COL8A1: variants seen among roughly 807,000 people sequenced by gnomAD.
The protein encoded by COL8A1 is collagen type VIII alpha 1 chain.
In COL8A1, 21 loss-of-function variants were observed where a neutral mutation model predicts 42.7. The ratio of observed to expected loss-of-function variants is 0.49; its 90% CI spans 0.35 to 0.71. The LOEUF (loss-of-function observed/expected upper bound fraction) is 0.71. COL8A1 is among the 30% of genes least tolerant of loss of function. The pLI is 0.01. For synonymous variants in COL8A1, 367 were observed against 369.1 expected (o/e 0.99, Z 0.06); for missense variants, 788 against 962.4 (o/e 0.82, Z 2.40).
chr3:99,671,702 C>A (rs1185236642), intron 1 of COL8A1, among the ~76,000 whole-genome samples: 1 of 151,894 alleles, frequency 6.6e-6, no homozygotes, highest in Non-Finnish European at 1.5e-5. Context: ...AAAATGGAAC[C>A]ATTGTACATT....
At chr3:99,782,042 C>T (rs550741590) in intron 2 of COL8A1, among the ~76,000 whole-genome samples, 57 of 152,212 alleles carry the variant, frequency 3.7e-4, no homozygotes, top group African/African-American at 1.3e-3. Context: ...TGAGCACACA[C>T]ATTGTATGAA....
chr3:99,696,842 G>A (rs1306642465), intron 1 of COL8A1, among the ~76,000 whole-genome samples: 1 of 152,138 alleles, frequency 6.6e-6, no homozygotes, highest in African/African-American at 2.4e-5. Context: ...AGGTATAACC[G>A]ATTCAGCTCT....
chr3:99,700,479 A>C (rs887287216), intron 1 of COL8A1, among the ~76,000 whole-genome samples: 1 of 152,016 alleles, frequency 6.6e-6, no homozygotes, highest in Admixed American at 6.5e-5. Flanking sequence ...ACGTGAAGTC[A>C]CCTTTTAGAT....
At chr3:99,765,927 A>G (rs1335453911) in intron 2 of COL8A1, among the ~76,000 whole-genome samples, 1 of 152,226 alleles carries the variant, frequency 6.6e-6, no homozygotes, top group African/African-American at 2.4e-5. Context: ...CTGTGACCAC[A>G]GGTATTTTCT....
intron 1 of COL8A1, among the ~76,000 whole-genome samples, chr3:99,713,812 T>G (rs1422716935): frequency 6.6e-6 from 1 of 152,126 alleles, no homozygotes; most frequent in Non-Finnish European, 1.5e-5. Context: ...TAAAACAAAT[T>G]TTAACAGTGT....
At chr3:99,690,233 C>T (rs559891294) in intron 1 of COL8A1, among the ~76,000 whole-genome samples, 2 of 152,254 alleles carry the variant, frequency 1.3e-5, no homozygotes, top group South Asian at 4.1e-4. Flanking sequence ...GTTAAAATGA[C>T]ATTATAAAAC....
intron 2 of COL8A1, among the ~76,000 whole-genome samples, chr3:99,786,792 T>C (rs1941905142): frequency 6.6e-6 from 1 of 152,204 alleles, no homozygotes; most frequent in Admixed American, 6.5e-5. Context: ...TAGGTATATC[T>C]AATGAATGAA....
chr3:99,651,774 G>A (rs965311487), intron 1 of COL8A1, among the ~76,000 whole-genome samples: 17 of 152,214 alleles, frequency 1.1e-4, no homozygotes, highest in Non-Finnish European at 7.3e-5. Context: ...CTTTCCTTCT[G>A]ACTCAGCACA....
chr3:99,746,519 C>T (rs1275659131), intron 2 of COL8A1, among the ~76,000 whole-genome samples: 1 of 151,796 alleles, frequency 6.6e-6, no homozygotes, highest in Non-Finnish European at 1.5e-5. Flanking sequence ...GATGAGCTCT[C>T]CCAGTAAAAA....
At chr3:99,683,443 A>G (rs1225899229) in intron 1 of COL8A1, among the ~76,000 whole-genome samples, 1 of 152,244 alleles carries the variant, frequency 6.6e-6, no homozygotes. Context: ...GACGTATTTC[A>G]TTGAAAATAA....
At chr3:99,728,183 G>T (rs553082045) in intron 1 of COL8A1, among the ~76,000 whole-genome samples, 1 of 152,188 alleles carries the variant, frequency 6.6e-6, no homozygotes, top group African/African-American at 2.4e-5. Flanking sequence ...ATTCAATTAG[G>T]AAAAGAGGAA....
intron 1 of COL8A1, among the ~76,000 whole-genome samples, chr3:99,740,360 T>C (rs957602720): frequency 2.0e-5 from 3 of 152,208 alleles, no homozygotes; most frequent in African/African-American, 7.2e-5. Flanking sequence ...GTTCCCATGC[T>C]GCTAATAAGA....
intron 1 of COL8A1, among the ~76,000 whole-genome samples, chr3:99,724,668 G>C (rs969059962): frequency 1.3e-5 from 2 of 152,048 alleles, no homozygotes; most frequent in African/African-American, 4.8e-5. Context: ...ACAGAGATAA[G>C]TCAATCCACA....
chr3:99,694,666 C>T (rs879917348), intron 1 of COL8A1, among the ~76,000 whole-genome samples: 2 of 152,110 alleles, frequency 1.3e-5, no homozygotes, highest in Admixed American at 1.3e-4. Context: ...AATTATCTTC[C>T]TCATTCTTCA....
intron 1 of COL8A1, among the ~76,000 whole-genome samples, chr3:99,709,687 C>A (rs1939782133): frequency 6.6e-6 from 1 of 152,182 alleles, no homozygotes; most frequent in Non-Finnish European, 1.5e-5. Flanking sequence ...CATATTGAAT[C>A]TGACTCCATA....
At chr3:99,708,174 G>C (rs1213669845) in intron 1 of COL8A1, among the ~76,000 whole-genome samples, 1 of 152,144 alleles carries the variant, frequency 6.6e-6, no homozygotes, top group Non-Finnish European at 1.5e-5. Flanking sequence ...GAAAATCACA[G>C]AGTGTTTATG....
At chr3:99,641,377 C>T (rs1937506729) in intron 1 of COL8A1, among the ~76,000 whole-genome samples, 1 of 152,112 alleles carries the variant, frequency 6.6e-6, no homozygotes, top group Non-Finnish European at 1.5e-5. Context: ...CTACTATGCC[C>T]TTCTTCTTAG....
At chr3:99,735,815 G>A (rs568890518) in intron 1 of COL8A1, among the ~76,000 whole-genome samples, 2 of 152,144 alleles carry the variant, frequency 1.3e-5, no homozygotes, top group Admixed American at 6.5e-5. Flanking sequence ...ATTGATTATT[G>A]CCACAATTTC....
intron 1 of COL8A1, among the ~76,000 whole-genome samples, chr3:99,650,584 G>A (rs977718838): frequency 3.3e-5 from 5 of 151,956 alleles, no homozygotes; most frequent in Admixed American, 6.6e-5. Flanking sequence ...ACAGGTGCAC[G>A]CCACCACACC....
Sources: allele counts gnomAD v4.1 joint callset (sites outside exome capture counted in the v4.1 genomes callset), GRCh38; gene constraint gnomAD v4.1.1; transcripts MANE v1.5; gene names NCBI Gene and HGNC (gene_info 2026-07-23, HGNC 2026-07-21).